MYO18B: variants seen among roughly 807,000 people sequenced by gnomAD.
MYO18B encodes myosin XVIIIB.
Under a neutral mutation model 273.0 loss-of-function variants are expected in MYO18B, and 204 were observed. The ratio of observed to expected loss-of-function variants is 0.75; its 90% CI spans 0.67 to 0.84. The LOEUF (loss-of-function observed/expected upper bound fraction) is 0.84. Ranked by LOEUF, MYO18B falls within the 40% of genes least tolerant of loss-of-function variation. MYO18B has a pLI of 0.00. For missense variants in MYO18B, 3,212 were observed against 3,287.6 expected, an observed-to-expected ratio of 0.98 and a Z score of 0.56; for synonymous variants, 1,330 against 1,305.7, an observed-to-expected ratio of 1.02 and a Z score of -0.40.
chr22:25,829,863 T>G (rs943864431), intron 15 of MYO18B, among the ~76,000 whole-genome samples: 3 of 151,174 alleles, frequency 2.0e-5, no homozygotes, highest in African/African-American at 7.3e-5. Context: ...TAATATAAAA[T>G]AAAATAAAAT....
At chr22:25,999,104 T>C (rs944330663) in intron 40 of MYO18B, among the ~76,000 whole-genome samples, 6 of 152,200 alleles carry the variant, frequency 3.9e-5, no homozygotes, top group Non-Finnish European at 8.8e-5. Context: ...GCTCCTACCA[T>C]TATTCTTCCC....
At chr22:26,050,283 G>A in the MYO18B span, among the ~76,000 whole-genome samples, 3 of 152,168 alleles carry the variant, frequency 2.0e-5, no homozygotes, top group Admixed American at 6.5e-5. Context: ...ATTACACACC[G>A]GAAGTATGTC....
At chr22:25,778,077 T>C (rs2086987843) in intron 8 of MYO18B, among the ~76,000 whole-genome samples, 1 of 152,144 alleles carries the variant, frequency 6.6e-6, no homozygotes, top group African/African-American at 2.4e-5. Context: ...ATCGTCCTAA[T>C]AGACGTACAC....
chr22:25,831,119 A>G (rs944928785), intron 15 of MYO18B, among the ~76,000 whole-genome samples: 4 of 152,028 alleles, frequency 2.6e-5, no homozygotes, highest in Non-Finnish European at 5.9e-5. Flanking sequence ...TGTTGTTACC[A>G]TTTTCCCTTT....
intron 1 of MYO18B, 35 bp from the exon 2 acceptor site, chr22:25,760,949 C>G: frequency 2.2e-6 from 2 of 920,456 alleles, no homozygotes; most frequent in Non-Finnish European, 3.4e-6. Context: ...TAACCTGTCT[C>G]TCTCTTCTCT....
chr22:25,819,126 C>T (rs1363718790), intron 12 of MYO18B, among the ~76,000 whole-genome samples: 1 of 152,124 alleles, frequency 6.6e-6, no homozygotes, highest in Non-Finnish European at 1.5e-5. Context: ...ATTTTGTGCA[C>T]CGGCCAGCCT....
chr22:25,888,706 G>A (rs776428000), intron 25 of MYO18B, among the ~76,000 whole-genome samples: 2 of 152,166 alleles, frequency 1.3e-5, no homozygotes, highest in Admixed American at 6.5e-5. Context: ...ATTAACTGGA[G>A]GTCCTGACTT....
intron 42 of MYO18B, 135 bp downstream of exon 42, chr22:26,004,990 C>T: frequency 3.6e-6 from 4 of 1,117,704 alleles, no homozygotes; most frequent in Non-Finnish European, 5.1e-6. Flanking sequence ...TGGGGTATAA[C>T]TCTGCCACTT....
In MYO18B at chr22:25,772,484, G is replaced by A; in HGVS notation, c.1843G>A (p.Gly615Arg). The part of the protein sequence containing the change: ...GPDLIVLQPR[G>R]PSVPSAGKVP... ...TGATCTGATTGTCCTCCAGCCCCGG[G>A]GGCCCTCGGTGCCTTCTGCAGGGAA... is the stretch of plus-strand genomic sequence containing the variant. Residue 615 changes from glycine (G) to arginine (R), a missense_variant, in exon 7 of 44, where the codon GGG becomes AGG. Physicochemically the swap from Gly to Arg is moderately radical, Grantham distance 125. Transcript: ENST00000335473. 6.2e-7 allele frequency: 1 copy of A among 1,613,912 alleles called. No individual in the cohort carries two copies. The highest frequency in any genetic ancestry group is 8.5e-7 in the Non-Finnish European group (1 of 1,179,902).
intron 34 of MYO18B, 41 bp downstream of exon 34, chr22:25,921,450 G>T: frequency 6.3e-7 from 1 of 1,577,954 alleles, no homozygotes; most frequent in African/African-American, 1.3e-5. Context: ...GGCTGGGGAG[G>T]ATGCTACGAC....
intron 42 of MYO18B, among the ~76,000 whole-genome samples, chr22:26,022,758 C>T (rs1935922803): frequency 6.6e-6 from 1 of 152,212 alleles, no homozygotes; most frequent in Non-Finnish European, 1.5e-5. Context: ...GACATTAGAC[C>T]CCATGACAGC....
At chr22:25,940,804 C>G (rs978171109) in intron 34 of MYO18B, among the ~76,000 whole-genome samples, 9 of 152,188 alleles carry the variant, frequency 5.9e-5, no homozygotes, top group Non-Finnish European at 1.3e-4. Context: ...CTTAGCAGCA[C>G]TTAATTTATG....
chr22:26,056,961 A>G, the MYO18B span, among the ~76,000 whole-genome samples: 1 of 152,194 alleles, frequency 6.6e-6, no homozygotes, highest in East Asian at 1.9e-4. Flanking sequence ...TGAGTCACAG[A>G]ATAGTACAGA....
chr22:25,846,017 C>G, intron 18 of MYO18B, 83 bp from the exon 19 acceptor site: 1 of 1,264,766 alleles, frequency 7.9e-7, no homozygotes, highest in Non-Finnish European at 1.0e-6. Flanking sequence ...AGCAAGAAGG[C>G]TTGTTCCCTT....
intron 12 of MYO18B, among the ~76,000 whole-genome samples, chr22:25,799,484 C>G (rs1294038942): frequency 6.6e-6 from 1 of 152,142 alleles, no homozygotes; most frequent in Non-Finnish European, 1.5e-5. Context: ...TTGTCTAGCT[C>G]TTATCAGTGG....
chr22:25,977,965 C>T (rs1029367288), intron 39 of MYO18B, among the ~76,000 whole-genome samples: 6 of 152,078 alleles, frequency 3.9e-5, no homozygotes, highest in African/African-American at 1.4e-4. Context: ...GAATCGATGG[C>T]CCATGTTGGT....
intron 42 of MYO18B, 45 bp from the exon 43 acceptor site, chr22:26,026,400 T>C: frequency 1.9e-6 from 3 of 1,556,506 alleles, no homozygotes; most frequent in Non-Finnish European, 2.6e-6. Context: ...ACAAATTGTA[T>C]GAATTGCACA....
the MYO18B span, among the ~76,000 whole-genome samples, chr22:26,042,396 G>C: frequency 6.6e-6 from 1 of 152,136 alleles, no homozygotes; most frequent in Non-Finnish European, 1.5e-5. Flanking sequence ...CCCATCCCCC[G>C]GCCTGCCCTT....
intron 11 of MYO18B, among the ~76,000 whole-genome samples, chr22:25,790,309 C>G (rs895543443): frequency 6.6e-6 from 1 of 152,182 alleles, no homozygotes; most frequent in Admixed American, 6.5e-5. Flanking sequence ...GGTACATGTG[C>G]ACAACGCGCA....
Sources: allele counts gnomAD v4.1 joint callset (sites outside exome capture counted in the v4.1 genomes callset), GRCh38; gene constraint gnomAD v4.1.1; transcripts MANE v1.5; gene names NCBI Gene and HGNC (gene_info 2026-07-23, HGNC 2026-07-21).